ZFAND2A: variants seen among roughly 807,000 people sequenced by gnomAD.
ZFAND2A encodes zinc finger AN1-type containing 2A, also known as AN1-type zinc finger protein 2A.
Under a neutral mutation model 11.6 loss-of-function variants are expected in ZFAND2A, and 20 were observed. That is an observed-to-expected ratio of 1.72 (90% CI 1.21 to 2.50). The LOEUF is 2.50. Among genes scored for constraint, ZFAND2A ranks in the 30% most tolerant of loss-of-function variants. ZFAND2A has a pLI of 0.00. For synonymous variants in ZFAND2A, 93 were observed against 60.6 expected, an observed-to-expected ratio of 1.54 and a Z score of -2.48; for missense variants, 234 against 182.9, an observed-to-expected ratio of 1.28 and a Z score of -1.61.
At chr7:1,156,817 C>CT (rs1562346656) in intron 3 of ZFAND2A, among the ~76,000 whole-genome samples, 1 of 152,242 alleles carries the variant, frequency 6.6e-6, no homozygotes, top group Non-Finnish European at 1.5e-5. Context: ...TAAACGGTCT[C>CT]CAGCCAGACC....
At chr7:1,152,480 G>A (rs1031434636), downstream of ZFAND2A, 6 of 1,082,780 alleles carry the variant, frequency 5.5e-6, no homozygotes, top group African/African-American at 1.6e-5. Context: ...CAACAGTTGA[G>A]GCAAATACAG....
rs1793550246 is a variant in ZFAND2A, at chr7:1,157,290, C to T, written c.150+366G>A. On this transcript the variant is annotated intron_variant, in intron 3 of 4. Coordinates refer to ENST00000316495, the MANE Select transcript of ZFAND2A (RefSeq NM_182491.4). The stretch of plus-strand genomic sequence containing the variant: ...TTCCAAGTCAAATATTAAAATCTTT[C>T]TTGCATCTGGTGAAGACACAGCTAT... 1.9e-5 allele frequency: 3 copies of T among 161,910 alleles called. No individual in the cohort carries two copies. In the South Asian group the frequency reaches 5.7e-4, roughly 31 times the overall value. The allele number at this position is 161,910 out of a possible 1,614,324, so 10.0% of individuals were successfully genotyped here.
rs1238274280 is a variant in ZFAND2A at position 1,153,048 on chromosome 7, C to T, written c.*21G>A. On this transcript the variant is annotated 3_prime_UTR_variant, in exon 5 of 5. Transcript: ENST00000316495. ...CACGCATGCTACTGCGTGCTCCGAG[C>T]CATCGCAGCGGAGTCTCTTCTCACC... The T allele has an allele frequency of 6.2e-7, 1 of 1,614,038 alleles. No homozygotes were observed. The highest frequency in any genetic ancestry group is 8.5e-7 in the Non-Finnish European group (1 of 1,179,944).
At chr7:1,148,949 T>C (rs1286696473), downstream of ZFAND2A, among the ~76,000 whole-genome samples, 1 of 144,146 alleles carries the variant, frequency 6.9e-6, no homozygotes, top group Non-Finnish European at 1.5e-5. Context: ...ACCACATGCA[T>C]GCACCATCTG....
chr7:1,152,975 G>A lies in ZFAND2A; in HGVS notation c.*94C>T, dbSNP rs1793430185. 3.3e-6 allele frequency: 5 copies of A among 1,507,588 alleles called. No homozygotes were observed. The highest frequency in any genetic ancestry group is 4.6e-6 in the Non-Finnish European group (5 of 1,097,192). 93.4% of individuals were successfully genotyped at this position (1,507,588 alleles called of 1,614,324 possible). A position where few individuals can be genotyped will look rare whatever the true frequency, so the allele number is the denominator to read the frequency against. On this transcript the variant is annotated 3_prime_UTR_variant, in exon 5 of 5. Transcript: ENST00000316495. ...CAAACAAGATCAGCAGCCAGTGTGG[G>A]ATGGTGCTCAATGGGGCTCCACTTC...
At chr7:1,157,597 C>A in intron 3 of ZFAND2A, 59 bp downstream of exon 3, 21 of 1,498,348 alleles carry the variant, frequency 1.4e-5, no homozygotes, top group Non-Finnish European at 1.8e-5. Context: ...ACCATACCAG[C>A]AAGACAGTGC....
At chr7:1,155,032 C>T (rs1467199198) in intron 4 of ZFAND2A, among the ~76,000 whole-genome samples, 3 of 152,202 alleles carry the variant, frequency 2.0e-5, no homozygotes, top group African/African-American at 7.2e-5. Context: ...ACAGGAGAAT[C>T]GCTTTAACCC....
chr7:1,153,167 C>T lies in ZFAND2A; in HGVS notation c.340G>A (p.Val114Ile). ...GCKKKEMLQM[V>I]CAQCHGNFCI... is the part of the protein sequence containing the mutation. ...AAGTTGCCGTGACATTGGGCACATA[C>T]CATCTGCAGCATCTCTTTCTTCTTG... The change falls in exon 5 of 5, where the codon GTA (valine) becomes ATA (isoleucine). Residue 114 changes from valine to isoleucine, a missense_variant. Transcript: ENST00000316495. 1.9e-6 allele frequency: 3 copies of T among 1,614,168 alleles called. No individual in the cohort carries two copies. The highest frequency in any genetic ancestry group is 1.1e-5 in the South Asian group (1 of 91,088).
At chr7:1,158,076 AC>A (rs1310863010) in intron 2 of ZFAND2A, 81 bp downstream of exon 2, 1 of 1,383,926 alleles carries the variant, frequency 7.2e-7, no homozygotes, top group African/African-American at 1.4e-5. Flanking sequence ...AGGCCAAGAC[AC>A]AATTATCAGC....
chr7:1,156,785 G>A (rs192905491), intron 3 of ZFAND2A, among the ~76,000 whole-genome samples: 69 of 152,348 alleles, frequency 4.5e-4, no homozygotes, highest in African/African-American at 1.6e-3. Flanking sequence ...TCCTCATTTG[G>A]TCAAATGAAA....
At chr7:1,151,762 T>TAAAAAAAAAAAAAAAAAAAAAAAAA (rs530920394), downstream of ZFAND2A, among the ~76,000 whole-genome samples, 25 of 87,162 alleles carry the variant, frequency 2.9e-4, 3 homozygotes, top group East Asian at 7.4e-4. Flanking sequence ...TCATCCCTTT[T>TAAAAAAAAAAAAAAAAAAAAAAAAA]AAAAAAAAAA....
Position 1,160,131 on chromosome 7 carries a change from A to AT in ZFAND2A, c.-214dup, listed in dbSNP as rs1370748043. ...ACCCACACCCACACCGGAACGCAAC[A>AT]TCTCGCTGCCCGCGGCCTACGGGGA... On this transcript the variant is annotated 5_prime_UTR_variant, in exon 1 of 5. In the 5' UTR this introduces an upstream ATG that the reference lacks. Coordinates refer to ENST00000316495, the MANE Select transcript of ZFAND2A (RefSeq NM_182491.4). 2.6e-5 allele frequency: 4 copies of AT among 152,470 alleles called. No homozygotes were observed. Among genetic ancestry groups the AT allele is most frequent in the South Asian group, 2.0e-4 (1 of 5,032 alleles). 9.4% of individuals were successfully genotyped at this position (152,470 alleles called of 1,614,324 possible).
downstream of ZFAND2A, among the ~76,000 whole-genome samples, chr7:1,151,273 C>CT (rs1411750090): frequency 6.6e-6 from 1 of 152,170 alleles, no homozygotes; most frequent in Non-Finnish European, 1.5e-5. Context: ...GTCCCAGCCC[C>CT]TTGGAGGTCA....
downstream of ZFAND2A, among the ~76,000 whole-genome samples, chr7:1,150,502 G>A (rs185624737): frequency 2.8e-4 from 43 of 152,242 alleles, no homozygotes; most frequent in East Asian, 6.6e-3. Context: ...TGAGCAGAGC[G>A]GCTGTCAGTA....
intron 1 of ZFAND2A, among the ~76,000 whole-genome samples, chr7:1,159,126 C>T (rs951529984): frequency 4.6e-5 from 7 of 152,184 alleles, no homozygotes; most frequent in Admixed American, 6.5e-5. Context: ...CTTAAGGTGC[C>T]CATTAGTCCT....
downstream of ZFAND2A, among the ~76,000 whole-genome samples, chr7:1,151,289 G>C (rs1309057453): frequency 1.3e-5 from 2 of 152,176 alleles, no homozygotes; most frequent in South Asian, 2.1e-4. Flanking sequence ...GGTCAGGAAC[G>C]GGCACGCAGC....
intron 1 of ZFAND2A, 136 bp from the exon 2 acceptor site, chr7:1,158,393 C>T (rs1793583708): frequency 1.7e-6 from 1 of 598,172 alleles, no homozygotes; most frequent in Non-Finnish European, 2.9e-6. Flanking sequence ...AGTACAAATA[C>T]CAGGTGTCCG....
chr7:1,152,341 G>A, downstream of ZFAND2A: 1 of 1,568,966 alleles, frequency 6.4e-7, no homozygotes, highest in East Asian at 2.3e-5. Flanking sequence ...TCATGGGTGA[G>A]CACCTACAGA....
intron 1 of ZFAND2A, among the ~76,000 whole-genome samples, chr7:1,159,740 C>T (rs1160168832): frequency 2.0e-5 from 2 of 100,000 alleles, no homozygotes; most frequent in African/African-American, 7.4e-5. Context: ...CAGCCAGACC[C>T]CGGCAGGCCC....
Sources: allele counts gnomAD v4.1 joint callset (sites outside exome capture counted in the v4.1 genomes callset), GRCh38; gene constraint gnomAD v4.1.1; transcripts MANE v1.5; gene names NCBI Gene and HGNC (gene_info 2026-07-23, HGNC 2026-07-21).